The following LEPROT variants were observed in gnomAD, a reference collection of about 807,000 sequenced individuals.
The protein encoded by LEPROT is leptin receptor gene-related protein.
A neutral mutation model predicts 15.4 loss-of-function variants in LEPROT; 3 were observed. The ratio of observed to expected loss-of-function variants is 0.19; its 90% confidence interval spans 0.09 to 0.50. The LOEUF (loss-of-function observed/expected upper bound fraction) is 0.50. Ranked by LOEUF, LEPROT falls within the 20% of genes least tolerant of loss-of-function variation. LEPROT has a pLI of 0.97. For synonymous variants in LEPROT, 59 were observed against 57.5 expected, an observed-to-expected ratio of 1.03 and a Z score of -0.12; for missense variants, 137 against 162.2, an observed-to-expected ratio of 0.84 and a Z score of 0.84.
Position 65,435,910 on chromosome 1 carries a change from T to C in LEPROT, c.*3991T>C. 1.0e-6 allele frequency: 1 copy of C among 985,040 alleles called. No homozygotes were observed. The highest frequency in any genetic ancestry group is 1.2e-6 in the Non-Finnish European group (1 of 829,550). 61.0% of individuals were successfully genotyped at this position (985,040 alleles called of 1,614,324 possible). A position where few individuals can be genotyped will look rare whatever the true frequency, so the allele number is the denominator to read the frequency against. Reference sequence around the variant, plus strand: ...AGCTCATAAATTATAATCTTTCAAATAGCCATGCTACCAGCGTACAACAGT... The same window carrying C: ...AGCTCATAAATTATAATCTTTCAAACAGCCATGCTACCAGCGTACAACAGT... On this transcript the variant is annotated 3_prime_UTR_variant, in exon 4 of 4. Transcript: ENST00000371065.
At chr1:65,428,074 G>A (rs1286082588) in intron 2 of LEPROT, 1 of 153,886 alleles carries the variant, frequency 6.5e-6, no homozygotes, top group East Asian at 1.9e-4. Context: ...ATTATCTTTG[G>A]CAGAGTTGAG....
At position 65,434,073 on chromosome 1, in the gene LEPROT, C is replaced by T. The variant is rs1646525284; in HGVS notation, c.*2154C>T. The stretch of plus-strand genomic sequence containing the variant: ...CATTTTCAATAACCAAGGTAGCCTT[C>T]ATATGTAGCCTTAAAGCATTACCTC... On this transcript the variant is annotated 3_prime_UTR_variant, in exon 4 of 4. Coordinates refer to ENST00000371065, the MANE Select transcript of LEPROT (RefSeq NM_017526.5). The T allele has an allele frequency of 1.0e-6, 1 of 985,174 alleles. No individual in the cohort carries two copies. Among genetic ancestry groups the T allele is most frequent in the Non-Finnish European group, 1.2e-6 (1 of 829,848 alleles). The allele number at this position is 985,174 out of a possible 1,614,324, so 61.0% of individuals were successfully genotyped here.
rs548617773 is a variant in LEPROT at position 65,434,472 on chromosome 1, T to C, written c.*2553T>C. ...TCAAACAAGTGGGTTACAAGCAGAC[T>C]TTGAGACACTTTTCCACAGAAACAA... On this transcript the variant is annotated 3_prime_UTR_variant, in exon 4 of 4. Transcript: ENST00000371065. 1.0e-6 allele frequency: 1 copy of C among 985,376 alleles called. No individual in the cohort carries two copies. Among genetic ancestry groups the C allele is most frequent in the African/African-American group, 1.7e-5 (1 of 57,352 alleles). The allele number at this position is 985,376 out of a possible 1,614,324, so 61.0% of individuals were successfully genotyped here.
intron 1 of LEPROT, 45 bp from the exon 2 acceptor site, chr1:65,425,258 A>G (rs756206680): frequency 1.3e-6 from 2 of 1,560,086 alleles, no homozygotes; most frequent in Non-Finnish European, 1.8e-6. Context: ...AGTGCCTGAC[A>G]ACCTCTACTG....
chr1:65,431,903 G>T lies in LEPROT; in HGVS notation c.380G>T (p.Ser127Ile). 6.2e-7 allele frequency: 1 copy of T among 1,614,004 alleles called. No individual in the cohort carries two copies. ...ATATTTGGAAGAGGAGATGATTTTA[G>T]CTGGGAGCAGTGGTAGCACTTTATT... Reference protein sequence around the residue: ...FLIFGRGDDFSWEQW With the variant: ...FLIFGRGDDFIWEQW The change falls in exon 4 of 4, where the codon AGC (serine) becomes ATC (isoleucine). Residue 127 changes from serine (S) to isoleucine (I), a missense_variant. Ser to Ile is a moderately radical substitution (Grantham distance 142, BLOSUM62 -2). Transcript: ENST00000371065.
In LEPROT at chr1:65,434,711, T is replaced by C. The variant is rs1646534980; in HGVS notation, c.*2792T>C. 7.1e-6 allele frequency: 7 copies of C among 985,318 alleles called. No individual in the cohort carries two copies. The South Asian group carries it at 3.3e-4, about 46-fold the overall frequency. 61.0% of individuals were successfully genotyped at this position (985,318 alleles called of 1,614,324 possible). The stretch of plus-strand genomic sequence containing the variant: ...TTTAATTTTTCCACTCATTTTCACC[T>C]CCTAATGCCCTTGAGATCCAGGTAC... On this transcript the variant is annotated 3_prime_UTR_variant, in exon 4 of 4. Transcript: ENST00000371065.
chr1:65,432,748 C>G lies in LEPROT; in HGVS notation c.*829C>G, dbSNP rs138179297. On this transcript the variant is annotated 3_prime_UTR_variant, in exon 4 of 4. Coordinates refer to ENST00000371065, the MANE Select transcript of LEPROT (RefSeq NM_017526.5). Reference sequence around the variant, plus strand: ...GATTTTTTTTTAAAGATCACTTGCACAGCATGCTAAATATAGGAATAATTG... The same window carrying G: ...GATTTTTTTTTAAAGATCACTTGCAGAGCATGCTAAATATAGGAATAATTG... 1 of 572,144 alleles carries G rather than the reference C, an allele frequency of 1.7e-6. No individual in the cohort carries two copies. Among genetic ancestry groups the G allele is most frequent in the African/African-American group, 2.0e-5 (1 of 49,016 alleles). 35.4% of individuals were successfully genotyped at this position (572,144 alleles called of 1,614,324 possible).
chr1:65,433,618 C>T lies in LEPROT; in HGVS notation c.*1699C>T, dbSNP rs772539970. On this transcript the variant is annotated 3_prime_UTR_variant, in exon 4 of 4. Coordinates refer to ENST00000371065, the MANE Select transcript of LEPROT (RefSeq NM_017526.5). ...TAATAACTAAAGGGTTAATGTGCAA[C>T]GTTATTTTTTGGCCTTGTTCATGAT... The T allele has an allele frequency of 1.1e-4, 106 of 985,174 alleles. No homozygotes were observed. The highest frequency in any genetic ancestry group is 1.2e-4 in the Non-Finnish European group (101 of 829,886). 61.0% of individuals were successfully genotyped at this position (985,174 alleles called of 1,614,324 possible). A position where few individuals can be genotyped will look rare whatever the true frequency, so the allele number is the denominator to read the frequency against.
rs1057303310 is a variant in LEPROT, at chr1:65,434,344, T to C, written c.*2425T>C. 4.1e-6 allele frequency: 4 copies of C among 985,218 alleles called. No homozygotes were observed. Among genetic ancestry groups the C allele is most frequent in the East Asian group, 1.1e-4 (1 of 8,808 alleles). 61.0% of individuals were successfully genotyped at this position (985,218 alleles called of 1,614,324 possible). On this transcript the variant is annotated 3_prime_UTR_variant, in exon 4 of 4. Transcript: ENST00000371065. ...CTCTTTTTTTATATATTGTACAATA[T>C]ATTTGGAGATTCAGAGCATAGTGAC...
Position 65,429,909 on chromosome 1 carries a change from T to C in LEPROT, c.140T>C (p.Ile47Thr), listed in dbSNP as rs747747880. Residue 47 changes from isoleucine to threonine, a missense_variant, in exon 3 of 4, where the codon ATC (isoleucine) becomes ACC (threonine). Transcript: ENST00000371065. Reference sequence around the variant, plus strand: ...CTGATTTTCCACGCCATCTCCCCCATCCCCCATTTCATTGCCAAAAGAGTC... The same window carrying C: ...CTGATTTTCCACGCCATCTCCCCCACCCCCCATTTCATTGCCAAAAGAGTC... ...FVLIFHAISPIPHFIAKRVTY... is the reference protein window; with the variant it reads ...FVLIFHAISPTPHFIAKRVTY... 15 of 1,538,996 alleles carry C rather than the reference T, an allele frequency of 9.7e-6. No homozygotes were observed. In the South Asian group the frequency reaches 1.7e-4, roughly 18 times the overall value.
rs1646518922 is a variant in LEPROT at position 65,433,655 on chromosome 1, A to G, written c.*1736A>G. The G allele has an allele frequency of 1.0e-6, 1 of 985,128 alleles. No individual in the cohort carries two copies. Among genetic ancestry groups the G allele is most frequent in the Non-Finnish European group, 1.2e-6 (1 of 829,754 alleles). The allele number at this position is 985,128 out of a possible 1,614,324, so 61.0% of individuals were successfully genotyped here. A position where few individuals can be genotyped will look rare whatever the true frequency, so the allele number is the denominator to read the frequency against. On this transcript the variant is annotated 3_prime_UTR_variant, in exon 4 of 4. Coordinates refer to ENST00000371065, the MANE Select transcript of LEPROT (RefSeq NM_017526.5). ...GCCTTGTTCATGATTTTATGTTTTC[A>G]GTGTCCTGTGTACATATAGAATTGT...
At chr1:65,428,174 T>C (rs1378249371) in intron 2 of LEPROT, among the ~76,000 whole-genome samples, 1 of 152,202 alleles carries the variant, frequency 6.6e-6, no homozygotes, top group Non-Finnish European at 1.5e-5. Flanking sequence ...GGCCTATGTA[T>C]TTATTGAATT....
chr1:65,432,704 A>C lies in LEPROT; in HGVS notation c.*785A>C. 1.1e-6 allele frequency: 1 copy of C among 886,176 alleles called. No individual in the cohort carries two copies. The highest frequency in any genetic ancestry group is 1.4e-6 in the Non-Finnish European group (1 of 739,498). The allele number at this position is 886,176 out of a possible 1,614,324, so 54.9% of individuals were successfully genotyped here. A position where few individuals can be genotyped will look rare whatever the true frequency, so the allele number is the denominator to read the frequency against. On this transcript the variant is annotated 3_prime_UTR_variant, in exon 4 of 4. Coordinates refer to ENST00000371065, the MANE Select transcript of LEPROT (RefSeq NM_017526.5). The stretch of plus-strand genomic sequence containing the variant: ...AGACAGTCAAAGGGTACAAAGCCTC[A>C]GTTAGGAGGAATAAGTGTGATTTTT...
chr1:65,435,366 C>CTTTTTTTTTTTT lies in LEPROT; in HGVS notation c.*3455_*3466dup, dbSNP rs60757318. 6 of 726,192 alleles carry CTTTTTTTTTTTT rather than the reference C, an allele frequency of 8.3e-6. No individual in the cohort carries two copies. The highest frequency in any genetic ancestry group is 1.3e-4 in the South Asian group (2 of 15,604). The allele number at this position is 726,192 out of a possible 1,614,324, so 45.0% of individuals were successfully genotyped here. ...TGTCACAAAATGTGCCTTTTCTTTT[C>CTTTTTTTTTTTT]TTTTTTTTTTTTTTTTTTTGAGGCA... On this transcript the variant is annotated 3_prime_UTR_variant, in exon 4 of 4. Coordinates refer to ENST00000371065, the MANE Select transcript of LEPROT (RefSeq NM_017526.5).
In LEPROT at chr1:65,434,331, A is replaced by G. The variant is rs938860120; in HGVS notation, c.*2412A>G. ...TCCTTATAAAAGGCTCTTTTTTTATATATTGTACAATATATTTGGAGATTC... is the reference window on the plus strand; with the variant it reads ...TCCTTATAAAAGGCTCTTTTTTTATGTATTGTACAATATATTTGGAGATTC... On this transcript the variant is annotated 3_prime_UTR_variant, in exon 4 of 4. Coordinates refer to ENST00000371065, the MANE Select transcript of LEPROT (RefSeq NM_017526.5). 30 of 985,036 alleles carry G rather than the reference A, an allele frequency of 3.0e-5. No homozygotes were observed. In the African/African-American group the frequency reaches 4.9e-4, roughly 16 times the overall value. 61.0% of individuals were successfully genotyped at this position (985,036 alleles called of 1,614,324 possible). A position where few individuals can be genotyped will look rare whatever the true frequency, so the allele number is the denominator to read the frequency against.
At chr1:65,425,514 C>T (rs1318098596) in intron 2 of LEPROT, 136 bp downstream of exon 2, 2 of 638,270 alleles carry the variant, frequency 3.1e-6, no homozygotes, top group African/African-American at 3.8e-5. Context: ...TGAACACAGT[C>T]CCTTTGTGGG....
Position 65,432,003 on chromosome 1 carries a change from A to G in LEPROT, c.*84A>G. 1 of 1,483,780 alleles carries G rather than the reference A, an allele frequency of 6.7e-7. No individual in the cohort carries two copies. The highest frequency in any genetic ancestry group is 1.4e-5 in the African/African-American group (1 of 70,188). The allele number at this position is 1,483,780 out of a possible 1,614,324, so 91.9% of individuals were successfully genotyped here. A position where few individuals can be genotyped will look rare whatever the true frequency, so the allele number is the denominator to read the frequency against. On this transcript the variant is annotated 3_prime_UTR_variant, in exon 4 of 4. Coordinates refer to ENST00000371065, the MANE Select transcript of LEPROT (RefSeq NM_017526.5). ...GTGCACATGCGGCATTTTACTATGA[A>G]ATTTAATATGCTGGGTTTTTTAATA...
Position 65,433,207 on chromosome 1 carries a change from C to A in LEPROT, c.*1288C>A. The A allele has an allele frequency of 1.0e-6, 1 of 985,452 alleles. No individual in the cohort carries two copies. Among genetic ancestry groups the A allele is most frequent in the Non-Finnish European group, 1.2e-6 (1 of 829,964 alleles). The allele number at this position is 985,452 out of a possible 1,614,324, so 61.0% of individuals were successfully genotyped here. Reference sequence around the variant, plus strand: ...CCTCAACAGTTCTGGTTTGCCCTGACTTCTCTACGGCTCTGGCTTCTTCCC... The same window carrying A: ...CCTCAACAGTTCTGGTTTGCCCTGAATTCTCTACGGCTCTGGCTTCTTCCC... On this transcript the variant is annotated 3_prime_UTR_variant, in exon 4 of 4. Transcript: ENST00000371065.
In LEPROT at chr1:65,420,750, G is replaced by T. The variant is rs752047665; in HGVS notation, c.16+10G>T. ...ATGGCGGGCGTTAAAGGTACATCGC[G>T]GTCCCCGGCTCGCTTGTCGTGTGGT... On this transcript the variant is annotated intron_variant, in intron 1 of 3. Transcript: ENST00000371065. 4 of 1,579,828 alleles carry T rather than the reference G, an allele frequency of 2.5e-6. No homozygotes were observed. In the African/African-American group the frequency reaches 5.4e-5, roughly 21 times the overall value.
Sources: gnomAD v4.1 joint callset for allele counts (sites outside exome capture counted in the v4.1 genomes callset) on GRCh38, gnomAD v4.1.1 for gene constraint, MANE v1.5 for transcripts, NCBI Gene and HGNC (gene_info 2026-07-23, HGNC 2026-07-21) for gene names.